EYS: variants seen among roughly 807,000 people sequenced by gnomAD.
EYS encodes protein eyes shut homolog.
Under a neutral mutation model 282.1 loss-of-function variants are expected in EYS, and 250 were observed. The ratio of observed to expected loss-of-function variants is 0.89; its 90% CI spans 0.80 to 0.98. EYS has a LOEUF of 0.98. Ranked by LOEUF, EYS falls within the 50% of genes least tolerant of loss-of-function variation. EYS has a pLI of 0.00. For synonymous variants in EYS, 1,355 were observed against 1,282.9 expected, an observed-to-expected ratio of 1.06 and a Z score of -1.20; for missense variants, 4,016 against 3,709.0, an observed-to-expected ratio of 1.08 and a Z score of -2.15.
chr6:64,125,285 G>A (rs1471122138), intron 31 of EYS, among the ~76,000 whole-genome samples: 1 of 152,094 alleles, frequency 6.6e-6, no homozygotes, highest in Non-Finnish European at 1.5e-5. Flanking sequence ...TGAGAGTGCA[G>A]GGAAAAGAGA....
chr6:64,808,473 A>G (rs1764502269), intron 22 of EYS, among the ~76,000 whole-genome samples: 1 of 152,102 alleles, frequency 6.6e-6, no homozygotes, highest in Non-Finnish European at 1.5e-5. Flanking sequence ...CTTTGAAAGG[A>G]GTCCATATAT....
chr6:64,835,764 C>A (rs1390271), intron 19 of EYS, among the ~76,000 whole-genome samples: 2 of 151,360 alleles, frequency 1.3e-5, no homozygotes, highest in African/African-American at 4.8e-5. Flanking sequence ...CAACTGTGTA[C>A]ATATTATAAC....
chr6:64,813,316 T>C (rs954674133), intron 22 of EYS, 62 bp downstream of exon 22: 6 of 1,269,416 alleles, frequency 4.7e-6, no homozygotes, highest in African/African-American at 1.5e-5. Flanking sequence ...GCATTACTAG[T>C]GGGATGTTTA....
At chr6:65,472,896 C>T (rs1030899610) in intron 5 of EYS, among the ~76,000 whole-genome samples, 1 of 151,512 alleles carries the variant, frequency 6.6e-6, no homozygotes, top group Non-Finnish European at 1.5e-5. Context: ...TTGGTATATC[C>T]TCTCTTGTGG....
chr6:63,721,186 C>G lies in EYS; in HGVS notation c.8845G>C (p.Glu2949Gln), dbSNP rs576288145. The G allele has an allele frequency of 6.4e-7, 1 of 1,551,528 alleles. No homozygotes were observed. The highest frequency in any genetic ancestry group is 2.0e-5 in the Admixed American group (1 of 50,964). The change falls in exon 43 of 43, where the codon GAA (glutamate) becomes CAA (glutamine). Residue 2949 changes from glutamate to glutamine, a missense_variant. Physicochemically the swap from Glu to Gln is conservative, Grantham distance 29 (BLOSUM62 2). Transcript: ENST00000503581. ...CTLGWVGRYC[E>Q]NKTSFSTAKF... ...GCAGTTGAAAATGAAGTTTTGTTTT[C>G]ACAATACCTTCCCACCCAACCCAAA...
intron 2 of EYS, among the ~76,000 whole-genome samples, chr6:65,520,508 T>G (rs1213204424): frequency 6.6e-6 from 1 of 152,096 alleles, no homozygotes; most frequent in Non-Finnish European, 1.5e-5. Context: ...TAGTGCAGAA[T>G]ATGGAAACAT....
At chr6:64,936,838 T>C (rs981068387) in intron 15 of EYS, among the ~76,000 whole-genome samples, 1 of 151,350 alleles carries the variant, frequency 6.6e-6, no homozygotes, top group Non-Finnish European at 1.5e-5. Context: ...GATACTAAAA[T>C]TCATATGGAA....
chr6:63,777,963 G>C, intron 40 of EYS, 43 bp downstream of exon 40: 1 of 1,524,118 alleles, frequency 6.6e-7, no homozygotes, highest in Non-Finnish European at 8.9e-7. Flanking sequence ...CAGTTAGAGT[G>C]CAAACAACCT....
At chr6:64,988,157 C>T (rs1050900927) in intron 14 of EYS, among the ~76,000 whole-genome samples, 7 of 151,118 alleles carry the variant, frequency 4.6e-5, no homozygotes, top group Non-Finnish European at 8.9e-5. Flanking sequence ...GCAACTTAAA[C>T]CAGGGGAACT....
chr6:64,486,088 A>T (rs1002821487), intron 26 of EYS, among the ~76,000 whole-genome samples: 9 of 151,460 alleles, frequency 5.9e-5, no homozygotes, highest in African/African-American at 2.2e-4. Flanking sequence ...CTAGTTACAG[A>T]GAATCTCAAA....
At chr6:63,831,808 A>G (rs548079597) in intron 36 of EYS, among the ~76,000 whole-genome samples, 1 of 152,350 alleles carries the variant, frequency 6.6e-6, no homozygotes, top group East Asian at 1.9e-4. Flanking sequence ...TTGACCACAT[A>G]TTTGGAAGTA....
chr6:65,337,206 A>T (rs1243686364), intron 10 of EYS, among the ~76,000 whole-genome samples: 4 of 151,510 alleles, frequency 2.6e-5, no homozygotes, highest in Admixed American at 2.0e-4. Context: ...AAGAAAGTCA[A>T]ATCTACTAGG....
intron 22 of EYS, among the ~76,000 whole-genome samples, chr6:64,714,516 C>CTTT (rs55730437): frequency 7.8e-5 from 10 of 127,916 alleles, no homozygotes; most frequent in African/African-American, 2.7e-4. Context: ...TTCTTTCTTT[C>CTTT]TTTTTTTTTT....
At position 64,638,939 on chromosome 6, in the gene EYS, C is replaced by T. The variant is rs990654451; in HGVS notation, c.3444-12694G>A. On this transcript the variant is annotated intron_variant, in intron 22 of 42. Transcript: ENST00000503581. ...CTTTCCTTGTTTACCTCCCTGCCCCCTCTAGTAGATTTTCAGGGTTGCCAT... is the reference window on the plus strand; with the variant it reads ...CTTTCCTTGTTTACCTCCCTGCCCCTTCTAGTAGATTTTCAGGGTTGCCAT... Among the ~76,000 whole-genome samples the T allele has an allele frequency of 6.9e-5, 6 of 86,424 alleles. 1 individual carries two copies. The highest frequency in any genetic ancestry group is 5.3e-5 in the African/African-American group (1 of 18,888). 56.7% of individuals were successfully genotyped at this position (86,424 alleles called of 152,430 possible). A position where few individuals can be genotyped will look rare whatever the true frequency, so the allele number is the denominator to read the frequency against.
intron 35 of EYS, among the ~76,000 whole-genome samples, chr6:63,881,623 A>T (rs1773135097): frequency 6.6e-6 from 1 of 152,266 alleles, no homozygotes; most frequent in Non-Finnish European, 1.5e-5. Flanking sequence ...GAACTTACTA[A>T]ATCTTAAGTT....
At chr6:65,433,064 A>G (rs943642079) in intron 5 of EYS, among the ~76,000 whole-genome samples, 1 of 152,186 alleles carries the variant, frequency 6.6e-6, no homozygotes, top group Non-Finnish European at 1.5e-5. Flanking sequence ...ATCAATATAT[A>G]ATAGGTACCA....
At chr6:64,857,258 A>C (rs1015591994) in intron 19 of EYS, among the ~76,000 whole-genome samples, 3 of 152,130 alleles carry the variant, frequency 2.0e-5, no homozygotes, top group African/African-American at 7.2e-5. Context: ...TTTTCACTGA[A>C]TCTTACAATT....
intron 29 of EYS, among the ~76,000 whole-genome samples, chr6:64,354,365 T>C (rs1383535879): frequency 6.6e-6 from 1 of 151,626 alleles, no homozygotes; most frequent in Admixed American, 6.6e-5. Context: ...ATCATTCCTT[T>C]TTGTTAAAGT....
At chr6:65,696,192 A>G (rs72648385) in intron 1 of EYS, among the ~76,000 whole-genome samples, 53,593 of 151,838 alleles carry the variant, frequency 0.35, 11,949 homozygotes, top group Non-Finnish European at 0.49. Flanking sequence ...CTGAGCCAGT[A>G]TGCCTGTTCT....
Sources: allele counts gnomAD v4.1 joint callset (sites outside exome capture counted in the v4.1 genomes callset), GRCh38; gene constraint gnomAD v4.1.1; transcripts MANE v1.5; gene names NCBI Gene and HGNC (gene_info 2026-07-23, HGNC 2026-07-21).